Variants in TTC34 observed in about 807,000 individuals in gnomAD.
TTC34 encodes the protein tetratricopeptide repeat protein 34.
In TTC34, 44 loss-of-function variants were observed where a neutral mutation model predicts 40.7. The observed-to-expected ratio is 1.08, with a 90% CI of 0.85 to 1.39. TTC34 has a LOEUF of 1.39. Ranked by LOEUF, TTC34 falls within the 40% of genes most tolerant of loss-of-function variation. The probability of loss-of-function intolerance (pLI) is 0.00; values close to 1 mark genes in which losing one functional copy is unlikely to be tolerated. For synonymous variants in TTC34, 422 were observed against 398.6 expected, an observed-to-expected ratio of 1.06 and a Z score of -0.70; for missense variants, 884 against 838.0, an observed-to-expected ratio of 1.05 and a Z score of -0.68.
chr1:2,783,532 C>T lies in TTC34; in HGVS notation c.2226+77G>A, dbSNP rs190000825. The T allele has an allele frequency of 5.6e-5, 72 of 1,293,504 alleles. No individual in the cohort carries two copies. The East Asian group carries it at 2.0e-3, about 37-fold the overall frequency. The allele number at this position is 1,293,504 out of a possible 1,614,324, so 80.1% of individuals were successfully genotyped here. Reference sequence around the variant, plus strand: ...GGATGGCCTACCCGGCTCCCTCTCTCCTTGGGGTGGAGGAAGGCAGCTCCC... The same window carrying T: ...GGATGGCCTACCCGGCTCCCTCTCTTCTTGGGGTGGAGGAAGGCAGCTCCC... On this transcript the variant is annotated intron_variant, in intron 6 of 8. Coordinates refer to ENST00000401095, the Ensembl canonical transcript of TTC34.
intron 6 of TTC34, among the ~76,000 whole-genome samples, chr1:2,648,678 C>G (rs1410828523): frequency 7.2e-6 from 1 of 139,664 alleles, no homozygotes; most frequent in Non-Finnish European, 1.5e-5. Flanking sequence ...CCCAGGGGAG[C>G]ATCTTACAGC....
At chr1:2,759,918 G>A (rs1353162444) in intron 6 of TTC34, among the ~76,000 whole-genome samples, 20 of 125,944 alleles carry the variant, frequency 1.6e-4, no homozygotes, top group African/African-American at 3.6e-4. Context: ...ACATCACCCT[G>A]CACCCCCAGG....
chr1:2,683,141 G>T (rs1314432907), intron 6 of TTC34, among the ~76,000 whole-genome samples: 2 of 129,586 alleles, frequency 1.5e-5, no homozygotes, highest in East Asian at 4.5e-4. Context: ...GCCTGGAACA[G>T]CACGCACAGC....
intron 6 of TTC34, among the ~76,000 whole-genome samples, chr1:2,754,759 G>A (rs1641447634): frequency 2.0e-5 from 3 of 147,840 alleles, no homozygotes; most frequent in African/African-American, 5.2e-5. Context: ...GCATGTGATG[G>A]TCTGGAGCAG....
intron 6 of TTC34, among the ~76,000 whole-genome samples, chr1:2,688,599 C>A (rs1359745917): frequency 2.1e-5 from 3 of 140,362 alleles, no homozygotes; most frequent in Admixed American, 7.0e-5. Flanking sequence ...CAGCCTGGAG[C>A]AGCACCCACA....
intron 2 of TTC34, among the ~76,000 whole-genome samples, chr1:2,799,282 C>T (rs1011564847): frequency 2.0e-4 from 30 of 152,224 alleles, no homozygotes; most frequent in African/African-American, 6.3e-4. Context: ...GTGGTTCACT[C>T]CTGTAATCCC....
chr1:2,800,804 C>T (rs917948318), exon 2 of TTC34: 3 of 398,596 alleles, frequency 7.5e-6, no homozygotes, highest in Admixed American at 4.4e-5. Context: ...AGAGGCAGGC[C>T]ACGAGCTCCT....
chr1:2,750,825 C>G (rs1380302510), intron 6 of TTC34, among the ~76,000 whole-genome samples: 7 of 128,320 alleles, frequency 5.5e-5, no homozygotes, highest in Middle Eastern at 4.0e-3. Context: ...GAGCATCTGA[C>G]AGCCTGGAGC....
chr1:2,657,445 G>C (rs1368301219), intron 6 of TTC34, among the ~76,000 whole-genome samples: 1 of 89,054 alleles, frequency 1.1e-5, no homozygotes, highest in Non-Finnish European at 2.8e-5. Context: ...CTGAACTCAT[G>C]GAGCAGCACC....
intron 6 of TTC34, among the ~76,000 whole-genome samples, chr1:2,691,217 C>G (rs1378662211): frequency 2.5e-5 from 2 of 79,534 alleles, no homozygotes; most frequent in Admixed American, 1.2e-4. Context: ...GAACAGCACC[C>G]ACACGCCCAG....
chr1:2,749,062 G>C (rs1641234846), intron 6 of TTC34, among the ~76,000 whole-genome samples: 1 of 131,962 alleles, frequency 7.6e-6, no homozygotes, highest in African/African-American at 3.0e-5. Flanking sequence ...GAATCCGACA[G>C]CCTGGAGCAG....
At chr1:2,768,648 C>A (rs1246393227) in intron 6 of TTC34, among the ~76,000 whole-genome samples, 46 of 151,830 alleles carry the variant, frequency 3.0e-4, no homozygotes, top group African/African-American at 1.0e-3. Context: ...CAGCCTGGAA[C>A]AGCAGCTCAC....
intron 7 of TTC34, among the ~76,000 whole-genome samples, chr1:2,644,832 A>G (rs1391825183): frequency 1.3e-5 from 2 of 152,174 alleles, no homozygotes; most frequent in Non-Finnish European, 2.9e-5. Flanking sequence ...CAGACTGCAG[A>G]GAGAGCTCCC....
intron 6 of TTC34, among the ~76,000 whole-genome samples, chr1:2,759,479 C>A (rs1403859546): frequency 3.1e-5 from 4 of 127,224 alleles, no homozygotes; most frequent in Non-Finnish European, 5.0e-5. Flanking sequence ...CACCCCACAC[C>A]CCCAGGTGAG....
intron 6 of TTC34, among the ~76,000 whole-genome samples, chr1:2,769,672 C>A (rs1159065671): frequency 1.4e-5 from 2 of 145,966 alleles, no homozygotes; most frequent in South Asian, 2.2e-4. Context: ...CACCCTACAC[C>A]CCCAGGGGAG....
chr1:2,767,685 C>A (rs1641813137), intron 6 of TTC34, among the ~76,000 whole-genome samples: 2 of 128,516 alleles, frequency 1.6e-5, no homozygotes, highest in Non-Finnish European at 3.3e-5. Flanking sequence ...AATTCTCCAA[C>A]CCCAGGTGAG....
chr1:2,695,727 CAG>C, intron 6 of TTC34, among the ~76,000 whole-genome samples: 12 of 147,782 alleles, frequency 8.1e-5, no homozygotes, highest in South Asian at 2.1e-4. Flanking sequence ...CCCAGGTGAG[CAG>C]CTGAAATCCT....
At chr1:2,759,455 ACAGCC>A (rs1641618761) in intron 6 of TTC34, among the ~76,000 whole-genome samples, 3 of 119,914 alleles carry the variant, frequency 2.5e-5, no homozygotes, top group African/African-American at 3.6e-5. Context: ...CGAGCATCTG[ACAGCC>A]TGGAGCAGCA....
chr1:2,789,509 T>A, exon 3 of TTC34: 2 of 1,505,484 alleles, frequency 1.3e-6, no homozygotes, highest in Non-Finnish European at 1.8e-6. Context: ...TCACCCCTCC[T>A]GCGTGGTGGG....
Sources: gnomAD v4.1 joint callset for allele counts (sites outside exome capture counted in the v4.1 genomes callset) on GRCh38, gnomAD v4.1.1 for gene constraint, MANE v1.5 for transcripts, NCBI Gene and HGNC (gene_info 2026-07-23, HGNC 2026-07-21) for gene names.